The following AKNAD1 variants were observed in gnomAD, a reference collection of about 807,000 sequenced individuals.
AKNAD1 encodes the protein protein AKNAD1.
A neutral mutation model predicts 90.8 loss-of-function variants in AKNAD1; 67 were observed. That is an observed-to-expected ratio of 0.74 (90% confidence interval 0.61 to 0.90). The LOEUF is 0.90. Ranked by LOEUF, AKNAD1 falls within the 40% of genes least tolerant of loss-of-function variation. AKNAD1 has a pLI of 0.00. For missense variants in AKNAD1, 957 were observed against 975.4 expected (o/e 0.98, Z 0.25); for synonymous variants, 327 against 341.4 (o/e 0.96, Z 0.46).
chr1:108,819,098 G>A (rs1171802927), intron 14 of AKNAD1, among the ~76,000 whole-genome samples: 3 of 152,042 alleles, frequency 2.0e-5, no homozygotes, highest in East Asian at 1.9e-4. Flanking sequence ...ACTCTGCTGC[G>A]CTATTGGTTC....
At position 108,837,908 on chromosome 1, in the gene AKNAD1, C is replaced by T. The variant is rs573778372; in HGVS notation, c.1380-202G>A. Among the ~76,000 whole-genome samples the T allele has an allele frequency of 5.3e-4, 81 of 152,282 alleles. 2 individuals are homozygous for T. The South Asian group carries it at 0.016, about 30-fold the overall frequency. On this transcript the variant is annotated intron_variant, in intron 6 of 15. Transcript: ENST00000370001. ...ATCTTCACCTGCTGTCCATTAGCTG[C>T]GTATCCTTGTATAAATCACTTAGTA... is the stretch of plus-strand genomic sequence containing the variant.
At chr1:108,832,083 C>T (rs968359140) in intron 9 of AKNAD1, among the ~76,000 whole-genome samples, 12 of 151,980 alleles carry the variant, frequency 7.9e-5, no homozygotes, top group African/African-American at 2.2e-4. Context: ...CATCCTGGCA[C>T]GTTGTCGCCA....
intron 5 of AKNAD1, among the ~76,000 whole-genome samples, chr1:108,845,220 C>T (rs1335188350): frequency 6.6e-6 from 1 of 152,166 alleles, no homozygotes; most frequent in East Asian, 1.9e-4. Flanking sequence ...TACATTTCTC[C>T]CCAGGTTCAT....
At chr1:108,844,306 T>G (rs912599298) in intron 5 of AKNAD1, among the ~76,000 whole-genome samples, 1 of 151,746 alleles carries the variant, frequency 6.6e-6, no homozygotes, top group Non-Finnish European at 1.5e-5. Context: ...GAGGTTGCAG[T>G]GAGCCAAGAT....
At chr1:108,835,118 A>G in intron 7 of AKNAD1, 62 bp from the exon 8 acceptor site, 1 of 1,539,646 alleles carries the variant, frequency 6.5e-7, no homozygotes, top group South Asian at 1.2e-5. Context: ...GTGACTCAAA[A>G]TCAGTTCAGC....
intron 2 of AKNAD1, 115 bp downstream of exon 2, chr1:108,851,557 T>G (rs1570830070): frequency 2.0e-6 from 2 of 981,344 alleles, no homozygotes; most frequent in Non-Finnish European, 3.0e-6. Context: ...TGACCCAGGG[T>G]GCTGAATGAA....
Position 108,817,123 on chromosome 1 carries a change from G to C in AKNAD1, c.2304C>G (p.Pro768=). 6.2e-7 allele frequency: 1 copy of C among 1,614,130 alleles called. No individual in the cohort carries two copies. Among genetic ancestry groups the C allele is most frequent in the Non-Finnish European group, 8.5e-7 (1 of 1,179,996 alleles). ...TYSSDPATPS[P]HFYSCRISGS... ...CAGAAATCCTGCAGGAGTAGAAATG[G>C]GGTGAGGGTGTTGCAGGGTCTGAGC... is the stretch of plus-strand genomic sequence containing the variant. Residue 768 remains proline, a synonymous_variant, in exon 15 of 16, where the codon CCC becomes CCG. Coordinates refer to ENST00000370001, the MANE Select transcript of AKNAD1 (RefSeq NM_152763.5).
intron 11 of AKNAD1, among the ~76,000 whole-genome samples, chr1:108,824,007 G>A (rs543196799): frequency 4.2e-4 from 64 of 152,318 alleles, no homozygotes; most frequent in Middle Eastern, 6.8e-3. Context: ...AGACAACCTT[G>A]TATTTGTATT....
chr1:108,820,409 G>C, intron 14 of AKNAD1, 136 bp downstream of exon 14: 1 of 585,582 alleles, frequency 1.7e-6, no homozygotes, highest in Non-Finnish European at 3.0e-6. Flanking sequence ...GGATTAGATA[G>C]GTTTAGGTTT....
intron 6 of AKNAD1, among the ~76,000 whole-genome samples, chr1:108,839,650 G>A (rs1414253920): frequency 6.6e-6 from 1 of 152,090 alleles, no homozygotes; most frequent in African/African-American, 2.4e-5. Flanking sequence ...TAGAAAGCTA[G>A]GAATAGAAGA....
chr1:108,833,218 A>G (rs897436609), intron 9 of AKNAD1, among the ~76,000 whole-genome samples: 1 of 152,224 alleles, frequency 6.6e-6, no homozygotes, highest in East Asian at 1.9e-4. Flanking sequence ...AAAACAATAT[A>G]TATAGTAAAA....
intron 6 of AKNAD1, among the ~76,000 whole-genome samples, chr1:108,842,269 A>T (rs1664575778): frequency 6.6e-6 from 1 of 152,246 alleles, no homozygotes; most frequent in Non-Finnish European, 1.5e-5. Flanking sequence ...GTAAACCATT[A>T]AAAAATTTGG....
In AKNAD1 at chr1:108,851,847, T is replaced by C; in HGVS notation, c.818A>G (p.Asn273Ser). The C allele has an allele frequency of 6.2e-7, 1 of 1,613,648 alleles. No homozygotes were observed. The highest frequency in any genetic ancestry group is 8.5e-7 in the Non-Finnish European group (1 of 1,179,868). The stretch of plus-strand genomic sequence containing the variant: ...TGCAAGTGGTTTATTAATTATCTTA[T>C]TTTTAGGAATTTTCACTTTGGGAGC... The part of the protein sequence containing the change: ...KIAPKVKIPK[N>S]KIINKPLAIA... Residue 273 changes from asparagine to serine, a missense_variant, in exon 2 of 16, where the codon AAT (asparagine) becomes AGT (serine). Physicochemically the swap from Asn to Ser is conservative, Grantham distance 46 (BLOSUM62 1). Transcript: ENST00000370001.
At chr1:108,840,540 TAAC>T (rs1372287829) in intron 6 of AKNAD1, among the ~76,000 whole-genome samples, 7 of 152,228 alleles carry the variant, frequency 4.6e-5, no homozygotes, top group Non-Finnish European at 1.0e-4. Context: ...AGTTTATTAG[TAAC>T]ATGAGTGTAT....
At chr1:108,854,882 A>T (rs1664986322) in intron 1 of AKNAD1, among the ~76,000 whole-genome samples, 1 of 151,874 alleles carries the variant, frequency 6.6e-6, no homozygotes, top group African/African-American at 2.4e-5. Context: ...AAGTTATTTA[A>T]CTCTTGTGAG....
intron 9 of AKNAD1, 55 bp downstream of exon 9, chr1:108,834,388 TTTAG>T (rs1044379773): frequency 1.4e-6 from 2 of 1,412,192 alleles, no homozygotes; most frequent in Non-Finnish European, 9.8e-7. Context: ...CAACACTGGT[TTTAG>T]TTAAAGAGCC....
At chr1:108,857,795 A>G (rs1048836468), upstream of AKNAD1, among the ~76,000 whole-genome samples, 7 of 152,198 alleles carry the variant, frequency 4.6e-5, no homozygotes, top group Non-Finnish European at 8.8e-5. Context: ...CACAAGTCCT[A>G]CACTTCTAAG....
At chr1:108,844,377 C>CATATATATATATATATATATATATAT (rs35559697) in intron 5 of AKNAD1, among the ~76,000 whole-genome samples, 38 of 145,092 alleles carry the variant, frequency 2.6e-4, no homozygotes, top group South Asian at 9.1e-4. Flanking sequence ...TCTCTCTCTC[C>CATATATATATATATATATATATATAT]ATATATATAT....
chr1:108,834,101 G>A (rs111648613), intron 9 of AKNAD1, among the ~76,000 whole-genome samples: 1,523 of 152,272 alleles, frequency 0.01, 26 homozygotes, highest in African/African-American at 0.035. Flanking sequence ...ACCAGAACCA[G>A]CAGCTTTGGC....
Sources: allele counts gnomAD v4.1 joint callset (sites outside exome capture counted in the v4.1 genomes callset), GRCh38; gene constraint gnomAD v4.1.1; transcripts MANE v1.5; gene names NCBI Gene and HGNC (gene_info 2026-07-23, HGNC 2026-07-21).